The following PHACTR1 variants were observed in gnomAD, a reference collection of about 807,000 sequenced individuals.
PHACTR1 encodes RPEL repeat containing 1.
Under a neutral mutation model 69.2 loss-of-function variants are expected in PHACTR1, and 16 were observed. The observed-to-expected ratio is 0.23, with a 90% CI of 0.16 to 0.35. The LOEUF (loss-of-function observed/expected upper bound fraction) is 0.35. Ranked by LOEUF, PHACTR1 falls within the 10% of genes least tolerant of loss-of-function variation. The pLI is 1.00. For synonymous variants in PHACTR1, 312 were observed against 284.5 expected (o/e 1.10, Z -0.97); for missense variants, 510 against 734.7 (o/e 0.69, Z 3.54).
intron 4 of PHACTR1, among the ~76,000 whole-genome samples, chr6:13,019,919 C>T (rs1288729453): frequency 6.6e-6 from 1 of 152,086 alleles, no homozygotes; most frequent in African/African-American, 2.4e-5. Context: ...TGTCTAAAAG[C>T]CTGAAGGGTG....
At chr6:13,218,851 GGA>G (rs1491323871) in intron 8 of PHACTR1, among the ~76,000 whole-genome samples, 1 of 133,040 alleles carries the variant, frequency 7.5e-6, no homozygotes, top group Non-Finnish European at 1.6e-5. Flanking sequence ...AGGAGGAGGA[GGA>G]AAGAGAAGAG....
intron 4 of PHACTR1, among the ~76,000 whole-genome samples, chr6:12,771,420 T>C (rs972437380): frequency 2.6e-5 from 4 of 152,080 alleles, no homozygotes; most frequent in African/African-American, 7.2e-5. Context: ...CAGGGGAGTC[T>C]TGGGGTGACA....
chr6:12,934,693 G>A (rs537826402), intron 4 of PHACTR1, among the ~76,000 whole-genome samples: 7 of 152,134 alleles, frequency 4.6e-5, no homozygotes, highest in Non-Finnish European at 5.9e-5. Context: ...AAAATTAGTC[G>A]GGTGTGGTAG....
At chr6:12,934,847 CA>C (rs953230219) in intron 4 of PHACTR1, among the ~76,000 whole-genome samples, 11 of 149,510 alleles carry the variant, frequency 7.4e-5, no homozygotes, top group East Asian at 1.9e-4. Context: ...AAAAAAAAAA[CA>C]AAAAAAAAAA....
chr6:13,162,225 G>A lies in PHACTR1; in HGVS notation c.496+1941G>A, dbSNP rs183957579. ...AGTGGATCTCCTGCCTCAGCCTCTT[G>A]AGTAGCTGGGACCACAGGTGCGCAC... On this transcript the variant is annotated intron_variant, in intron 6 of 14. Transcript: ENST00000332995. 1.9e-3 allele frequency among the ~76,000 whole-genome samples: 283 copies of A among 152,184 alleles called. 2 individuals carry two copies. Among genetic ancestry groups the A allele is most frequent in the African/African-American group, 6.4e-3 (266 of 41,508 alleles).
Position 12,990,564 on chromosome 6 carries a change from G to A in PHACTR1, c.251-62801G>A, listed in dbSNP as rs924886898. Among the ~76,000 whole-genome samples, 7 of 152,338 alleles carry A rather than the reference G, an allele frequency of 4.6e-5. No individual in the cohort carries two copies. In the South Asian group the frequency reaches 6.2e-4, roughly 14 times the overall value. On this transcript the variant is annotated intron_variant, in intron 4 of 14. Transcript: ENST00000332995. The stretch of plus-strand genomic sequence containing the variant: ...TCCAGCCCCATGGCAGCATTCTACG[G>A]GTGTGTTACAGTTTTAGCTACAATT...
intron 3 of PHACTR1, among the ~76,000 whole-genome samples, chr6:12,747,091 C>A (rs113854099): frequency 2.0e-5 from 3 of 152,250 alleles, no homozygotes; most frequent in Non-Finnish European, 2.9e-5. Context: ...GAAGAGGAGG[C>A]CTTCACTTTA....
chr6:13,048,334 G>GT (rs1805397883), intron 4 of PHACTR1, among the ~76,000 whole-genome samples: 1 of 152,170 alleles, frequency 6.6e-6, no homozygotes, highest in Non-Finnish European at 1.5e-5. Flanking sequence ...ACAGCATGAG[G>GT]TAGCCACCTT....
chr6:13,277,636 T>C (rs9369965), intron 11 of PHACTR1, among the ~76,000 whole-genome samples: 97,220 of 151,318 alleles, frequency 0.64, 32,962 homozygotes, highest in Non-Finnish European at 0.78. Flanking sequence ...TGCCTGTGTG[T>C]CCCCGTGTCA....
intron 4 of PHACTR1, among the ~76,000 whole-genome samples, chr6:12,923,801 C>T (rs549488427): frequency 5.9e-5 from 9 of 152,200 alleles, no homozygotes; most frequent in Middle Eastern, 3.4e-3. Context: ...AATGAGAAAC[C>T]GATCTTCAAA....
intron 4 of PHACTR1, among the ~76,000 whole-genome samples, chr6:12,783,333 T>C (rs1287738565): frequency 1.3e-5 from 2 of 152,232 alleles, no homozygotes; most frequent in Non-Finnish European, 2.9e-5. Flanking sequence ...TATATGACGG[T>C]CAAATGCCTT....
intron 12 of PHACTR1, chr6:13,280,724 A>G (rs1779969880): frequency 3.0e-6 from 1 of 330,442 alleles, no homozygotes; most frequent in African/African-American, 2.2e-5. Flanking sequence ...CTTTTTAAAA[A>G]AGACATGCCT....
chr6:12,925,437 T>G lies in PHACTR1; in HGVS notation c.251-127928T>G, dbSNP rs146268221. Among the ~76,000 whole-genome samples the G allele has an allele frequency of 5.9e-5, 9 of 152,320 alleles. No individual in the cohort carries two copies. In the East Asian group the frequency reaches 1.7e-3, roughly 29 times the overall value. Reference sequence around the variant, plus strand: ...ATACACACAAAAAGTTGGATAAAATTTTAATAACTTAATGTCTTTCTAAGG... The same window carrying G: ...ATACACACAAAAAGTTGGATAAAATGTTAATAACTTAATGTCTTTCTAAGG... On this transcript the variant is annotated intron_variant, in intron 4 of 14. Transcript: ENST00000332995.
At chr6:13,239,726 C>T (rs1438674092) in intron 10 of PHACTR1, among the ~76,000 whole-genome samples, 2 of 152,218 alleles carry the variant, frequency 1.3e-5, no homozygotes, top group Admixed American at 1.3e-4. Flanking sequence ...CCCTCTTACC[C>T]AGCCTCTAGC....
At chr6:12,994,537 A>C (rs1044200472) in intron 4 of PHACTR1, among the ~76,000 whole-genome samples, 8 of 152,218 alleles carry the variant, frequency 5.3e-5, no homozygotes, top group Non-Finnish European at 1.0e-4. Flanking sequence ...AAAGTTGTTT[A>C]AACTAGGAAG....
chr6:13,162,418 C>T (rs550581488), intron 6 of PHACTR1, among the ~76,000 whole-genome samples: 4 of 151,998 alleles, frequency 2.6e-5, no homozygotes, highest in Non-Finnish European at 4.4e-5. Flanking sequence ...TGAGCCACCG[C>T]GCCCGGCCCC....
chr6:13,081,782 G>A (rs1811417469), intron 5 of PHACTR1, among the ~76,000 whole-genome samples: 1 of 152,154 alleles, frequency 6.6e-6, no homozygotes, highest in South Asian at 2.1e-4. Context: ...GGCTATGATT[G>A]TACCACTGCA....
intron 5 of PHACTR1, among the ~76,000 whole-genome samples, chr6:13,055,116 T>C (rs964416099): frequency 6.6e-6 from 1 of 152,216 alleles, no homozygotes; most frequent in African/African-American, 2.4e-5. Flanking sequence ...TTAATTCTCA[T>C]GATAGCCATG....
chr6:13,065,431 C>A (rs972238828), intron 5 of PHACTR1, among the ~76,000 whole-genome samples: 1 of 151,886 alleles, frequency 6.6e-6, no homozygotes, highest in African/African-American at 2.4e-5. Context: ...TCCACCCTGG[C>A]AGATCTTGAC....
Sources: allele counts gnomAD v4.1 joint callset (sites outside exome capture counted in the v4.1 genomes callset), GRCh38; gene constraint gnomAD v4.1.1; transcripts MANE v1.5; gene names NCBI Gene and HGNC (gene_info 2026-07-23, HGNC 2026-07-21).